The following MYT1 variants were observed in gnomAD, a reference collection of about 807,000 sequenced individuals.
The protein encoded by MYT1 is myelin transcription factor 1.
A neutral mutation model predicts 123.0 loss-of-function variants in MYT1; 23 were observed. The ratio of observed to expected loss-of-function variants is 0.19; its 90% CI spans 0.13 to 0.26. The LOEUF (loss-of-function observed/expected upper bound fraction) is 0.26, where lower values mean the gene tolerates loss of function less well. Among genes scored for constraint, MYT1 ranks in the 10% least tolerant of loss-of-function variants. The probability of loss-of-function intolerance (pLI) is 1.00; values close to 1 mark genes in which losing one functional copy is unlikely to be tolerated. For missense variants in MYT1, 1,125 were observed against 1,472.5 expected (o/e 0.76, Z 3.86); for synonymous variants, 518 against 575.3 (o/e 0.90, Z 1.43).
chr20:64,237,866 C>T (rs1324018702), intron 21 of MYT1, among the ~76,000 whole-genome samples: 1 of 152,074 alleles, frequency 6.6e-6, no homozygotes, highest in Non-Finnish European at 1.5e-5. Flanking sequence ...AGCTGAGGGA[C>T]CTGACAAACC....
Position 64,218,039 on chromosome 20 carries a change from G to A in MYT1, c.1846+758G>A, listed in dbSNP as rs1013571344. On this transcript the variant is annotated intron_variant, in intron 11 of 22. Coordinates refer to ENST00000328439, the MANE Select transcript of MYT1 (RefSeq NM_004535.3). This position sits in a 1 kb window ranked among gnomAD's most constrained non-coding sequence, Gnocchi z 4.0. ...ATGTTGTCAGCCCCAAACATGACGT[G>A]ACGAGTTTCCTACATGAGAATAATA... 1.3e-5 allele frequency among the ~76,000 whole-genome samples: 2 copies of A among 152,222 alleles called. No homozygotes were observed. Among genetic ancestry groups the A allele is most frequent in the Non-Finnish European group, 2.9e-5 (2 of 68,042 alleles).
At chr20:64,236,815 G>A (rs991198784) in intron 20 of MYT1, among the ~76,000 whole-genome samples, 169 bp downstream of exon 20, 1 of 152,132 alleles carries the variant, frequency 6.6e-6, no homozygotes, top group African/African-American at 2.4e-5. Context: ...TTCGGACCTT[G>A]GCTCTGAAGC....
At position 64,186,369 on chromosome 20, in the gene MYT1, G is replaced by A. The variant is rs374309272; in HGVS notation, c.-98-3694G>A. ...GTCTCTGATGTTCCGTTTCCCATTC[G>A]CATCCACGAGCAGGGATTCAGATTA... On this transcript the variant is annotated intron_variant, in intron 1 of 22. Transcript: ENST00000328439. This position sits in a 1 kb window ranked among gnomAD's most constrained non-coding sequence, Gnocchi z 4.3. Among the ~76,000 whole-genome samples the A allele has an allele frequency of 6.6e-6, 1 of 152,158 alleles. No homozygotes were observed. The highest frequency in any genetic ancestry group is 1.9e-4 in the East Asian group (1 of 5,192).
intron 16 of MYT1, among the ~76,000 whole-genome samples, chr20:64,223,616 C>T (rs748515396): frequency 1.3e-5 from 2 of 152,058 alleles, no homozygotes; most frequent in Non-Finnish European, 2.9e-5. Flanking sequence ...CAGGCTCCTG[C>T]GCTGCTCTTG....
At chr20:64,206,939 C>T (rs1439640938) in intron 6 of MYT1, among the ~76,000 whole-genome samples, 1 of 152,192 alleles carries the variant, frequency 6.6e-6, no homozygotes, top group African/African-American at 2.4e-5. Context: ...GAGAGTCTCA[C>T]TCTGTTGCCC....
chr20:64,167,498 G>A lies in MYT1; in HGVS notation c.-99+2759G>A, dbSNP rs1358812462. The stretch of plus-strand genomic sequence containing the variant: ...TGGAACAGGGGTCAGGAGGTTAGCT[G>A]TGGGGTGGGTGGGGGCTGCTGGCGG... On this transcript the variant is annotated intron_variant, in intron 1 of 22. Transcript: ENST00000328439. This position sits in a 1 kb window ranked among gnomAD's most constrained non-coding sequence, Gnocchi z 6.3. Among the ~76,000 whole-genome samples the A allele has an allele frequency of 1.3e-5, 2 of 152,184 alleles. No individual in the cohort carries two copies. Among genetic ancestry groups the A allele is most frequent in the African/African-American group, 4.8e-5 (2 of 41,438 alleles).
At chr20:64,220,293 G>A (rs1983963377) in intron 13 of MYT1, among the ~76,000 whole-genome samples, 1 of 152,220 alleles carries the variant, frequency 6.6e-6, no homozygotes, top group Non-Finnish European at 1.5e-5. Context: ...ATGGGGAGGA[G>A]AAAGGCATCG....
intron 10 of MYT1, among the ~76,000 whole-genome samples, chr20:64,214,945 T>G (rs774010563): frequency 4.1e-4 from 63 of 152,316 alleles, no homozygotes; most frequent in Non-Finnish European, 8.2e-4. Context: ...GAAGGTGCAA[T>G]TCCCACACGT....
chr20:64,221,265 T>C (rs967881630), intron 13 of MYT1, among the ~76,000 whole-genome samples: 8 of 152,126 alleles, frequency 5.3e-5, no homozygotes, highest in African/African-American at 1.4e-4. Context: ...AATGTTGGCC[T>C]TCTGACCCTT....
intron 18 of MYT1, among the ~76,000 whole-genome samples, chr20:64,228,983 A>G (rs997859680): frequency 6.6e-6 from 1 of 152,204 alleles, no homozygotes; most frequent in Non-Finnish European, 1.5e-5. Flanking sequence ...GGGAGGGGCA[A>G]CTTGGCCTGA....
At chr20:64,177,924 CTG>C (rs1420339904) in intron 1 of MYT1, among the ~76,000 whole-genome samples, 2 of 152,220 alleles carry the variant, frequency 1.3e-5, no homozygotes, top group African/African-American at 4.8e-5. Context: ...CCAGCCATCC[CTG>C]AGAGAAACCC....
chr20:64,216,994 TG>T, intron 10 of MYT1, 72 bp from the exon 11 acceptor site: 1 of 1,430,480 alleles, frequency 7.0e-7, no homozygotes. Flanking sequence ...GGCTGCAGAT[TG>T]GGGTTGGGGA....
chr20:64,178,601 G>A lies in MYT1; in HGVS notation c.-98-11462G>A, dbSNP rs370209187. Among the ~76,000 whole-genome samples the A allele has an allele frequency of 5.5e-3, 760 of 137,126 alleles. 14 individuals are homozygous for A. Among genetic ancestry groups the A allele is most frequent in the South Asian group, 0.031 (99 of 3,216 alleles). 90.0% of individuals were successfully genotyped at this position (137,126 alleles called of 152,430 possible). A position where few individuals can be genotyped will look rare whatever the true frequency, so the allele number is the denominator to read the frequency against. On this transcript the variant is annotated intron_variant, in intron 1 of 22. Transcript: ENST00000328439. Reference sequence around the variant, plus strand: ...CCCTTCAACGTGGCAGCACTGAGCCGTTATTCGGTGAGATACCCTTCAACG... The same window carrying A: ...CCCTTCAACGTGGCAGCACTGAGCCATTATTCGGTGAGATACCCTTCAACG...
At chr20:64,184,447 G>C (rs993932243) in intron 1 of MYT1, among the ~76,000 whole-genome samples, 1 of 151,862 alleles carries the variant, frequency 6.6e-6, no homozygotes, top group African/African-American at 2.4e-5. Flanking sequence ...TAATAGAGGG[G>C]GTTACTTCTG....
At chr20:64,170,950 G>A (rs970771777) in intron 1 of MYT1, among the ~76,000 whole-genome samples, 2 of 142,024 alleles carry the variant, frequency 1.4e-5, no homozygotes, top group Non-Finnish European at 3.0e-5. Flanking sequence ...GTCTTGCTCT[G>A]TTGGCCTGGC....
intron 21 of MYT1, among the ~76,000 whole-genome samples, chr20:64,238,641 C>T (rs1164138204): frequency 2.0e-5 from 3 of 152,226 alleles, no homozygotes; most frequent in South Asian, 2.1e-4. Context: ...GAGCCATCCC[C>T]GTCCCCTCCT....
At chr20:64,184,538 T>C (rs1233600545) in intron 1 of MYT1, among the ~76,000 whole-genome samples, 1 of 152,224 alleles carries the variant, frequency 6.6e-6, no homozygotes, top group Non-Finnish European at 1.5e-5. Flanking sequence ...AGCTTTGTAG[T>C]AAGTTTGGAA....
intron 1 of MYT1, among the ~76,000 whole-genome samples, chr20:64,181,139 G>T (rs927231941): frequency 2.6e-5 from 4 of 152,148 alleles, no homozygotes; most frequent in South Asian, 2.1e-4. Flanking sequence ...CACTTCAAAA[G>T]CTTTTAGGGT....
chr20:64,220,390 G>A (rs1218476473), intron 13 of MYT1, among the ~76,000 whole-genome samples: 3 of 152,214 alleles, frequency 2.0e-5, no homozygotes, highest in African/African-American at 4.8e-5. Context: ...CCTGCTGTCC[G>A]GGTAGGGGCA....
Sources: gnomAD v4.1 joint callset for allele counts (sites outside exome capture counted in the v4.1 genomes callset) on GRCh38, gnomAD v4.1.1 for gene constraint, Gnocchi (gnomAD v3.1) non-coding constraint, MANE v1.5 for transcripts, NCBI Gene and HGNC (gene_info 2026-07-23, HGNC 2026-07-21) for gene names.